LOC128706666: variants seen among roughly 807,000 people sequenced by gnomAD.
chr20:10,414,652 G>T, the LOC128706666 span, among the ~76,000 whole-genome samples: 1 of 152,104 alleles, frequency 6.6e-6, no homozygotes, highest in Admixed American at 6.6e-5. Context: ...ATTGTGGTTT[G>T]CTTGGAAACT....
At chr20:10,415,054 T>G in the LOC128706666 span, among the ~76,000 whole-genome samples, 4 of 152,180 alleles carry the variant, frequency 2.6e-5, no homozygotes, top group African/African-American at 9.6e-5. Context: ...CAAAAGGACA[T>G]GTAGAAATAC....
the LOC128706666 span, among the ~76,000 whole-genome samples, chr20:10,433,571 G>A: frequency 2.0e-5 from 3 of 152,192 alleles, no homozygotes; most frequent in Non-Finnish European, 4.4e-5. Context: ...TTATCGGGGA[G>A]GAAGACGAGC....
At chr20:10,426,544 C>T in the LOC128706666 span, among the ~76,000 whole-genome samples, 5 of 152,180 alleles carry the variant, frequency 3.3e-5, no homozygotes, top group African/African-American at 1.2e-4. Flanking sequence ...AGATTACAGG[C>T]CCACGCCACC....
the LOC128706666 span, among the ~76,000 whole-genome samples, chr20:10,431,406 A>G: frequency 2.0e-5 from 3 of 152,164 alleles, no homozygotes; most frequent in Non-Finnish European, 4.4e-5. Context: ...CAAGACTACT[A>G]GCCTCAGGGG....
chr20:10,417,211 A>G, the LOC128706666 span, among the ~76,000 whole-genome samples: 6 of 150,746 alleles, frequency 4.0e-5, no homozygotes, highest in Non-Finnish European at 8.8e-5. Context: ...ACATCACCCA[A>G]CTGCAGCCTG....
the LOC128706666 span, chr20:10,420,849 G>GTAGTGC: frequency 6.6e-6 from 1 of 152,122 alleles, no homozygotes; most frequent in Non-Finnish European, 1.5e-5. Flanking sequence ...GTAGCATGCT[G>GTAGTGC]TACTCTAACA....
chr20:10,417,383 G>C, the LOC128706666 span, among the ~76,000 whole-genome samples: 6 of 152,224 alleles, frequency 3.9e-5, no homozygotes, highest in African/African-American at 1.4e-4. Flanking sequence ...GGCCAAGGCA[G>C]GAGGATTGCT....
chr20:10,415,656 T>TGA, the LOC128706666 span, among the ~76,000 whole-genome samples: 1 of 152,224 alleles, frequency 6.6e-6, no homozygotes, highest in African/African-American at 2.4e-5. Context: ...CCTCACAAAG[T>TGA]GACTTCTATA....
the LOC128706666 span, among the ~76,000 whole-genome samples, chr20:10,433,043 G>T: frequency 1.3e-5 from 2 of 152,106 alleles, no homozygotes; most frequent in Admixed American, 1.3e-4. Flanking sequence ...AGTCTCTGTC[G>T]CCCAACCTGG....
At chr20:10,426,955 C>A in the LOC128706666 span, among the ~76,000 whole-genome samples, 22 of 151,206 alleles carry the variant, frequency 1.5e-4, no homozygotes, top group Non-Finnish European at 2.2e-4. Context: ...AGAGGGAGAA[C>A]TTGCTATGCT....
At chr20:10,420,547 T>C in the LOC128706666 span, 1 of 152,234 alleles carries the variant, frequency 6.6e-6, no homozygotes, top group Admixed American at 6.5e-5. Context: ...GCAAGCCTGC[T>C]ACTTCCCCTG....
At chr20:10,419,152 T>C in the LOC128706666 span, among the ~76,000 whole-genome samples, 1 of 152,156 alleles carries the variant, frequency 6.6e-6, no homozygotes, top group African/African-American at 2.4e-5. Context: ...GAGGTTCTTC[T>C]TCCATAAAGA....
chr20:10,418,349 T>C, the LOC128706666 span, among the ~76,000 whole-genome samples: 23 of 152,196 alleles, frequency 1.5e-4, no homozygotes, highest in Non-Finnish European at 2.5e-4. Context: ...AGCCAGTTGA[T>C]GGATACTTGA....
the LOC128706666 span, among the ~76,000 whole-genome samples, chr20:10,429,055 C>T: frequency 1.3e-5 from 2 of 152,144 alleles, no homozygotes; most frequent in African/African-American, 4.8e-5. Context: ...AAAACAAATT[C>T]CCTAAGGCAA....
chr20:10,430,915 G>A, the LOC128706666 span, among the ~76,000 whole-genome samples: 1 of 152,178 alleles, frequency 6.6e-6, no homozygotes, highest in Non-Finnish European at 1.5e-5. Context: ...CTGAAACAAC[G>A]TTTTACATAA....
At chr20:10,421,565 G>A in the LOC128706666 span, among the ~76,000 whole-genome samples, 2 of 152,092 alleles carry the variant, frequency 1.3e-5, no homozygotes, top group African/African-American at 2.4e-5. Context: ...GCTGAACATG[G>A]ATTCCAATTG....
the LOC128706666 span, among the ~76,000 whole-genome samples, chr20:10,422,304 G>A: frequency 2.0e-5 from 3 of 151,734 alleles, no homozygotes; most frequent in Non-Finnish European, 2.9e-5. Context: ...CTTTTCTAAC[G>A]TACTGTGGTA....
the LOC128706666 span, among the ~76,000 whole-genome samples, chr20:10,426,560 C>T: frequency 2.0e-5 from 3 of 152,158 alleles, no homozygotes; most frequent in Non-Finnish European, 2.9e-5. Flanking sequence ...CCACCATGCC[C>T]GACTAATTTT....
At chr20:10,428,055 A>G in the LOC128706666 span, among the ~76,000 whole-genome samples, 1 of 152,246 alleles carries the variant, frequency 6.6e-6, no homozygotes, top group Admixed American at 6.5e-5. Context: ...TAAAAAATAT[A>G]CTGAAAGCAT....
Sources: gnomAD v4.1 joint callset for allele counts (sites outside exome capture counted in the v4.1 genomes callset) on GRCh38, gnomAD v4.1.1 for gene constraint, MANE v1.5 for transcripts.